Variants in SDK2 observed in about 807,000 individuals in gnomAD.
The protein encoded by SDK2 is protein sidekick-2.
Under a neutral mutation model 253.9 loss-of-function variants are expected in SDK2, and 105 were observed. That is an observed-to-expected ratio of 0.41 (90% CI 0.35 to 0.49). SDK2 has a LOEUF of 0.49. Ranked by LOEUF, SDK2 falls within the 20% of genes least tolerant of loss-of-function variation. The probability of loss-of-function intolerance (pLI) is 0.06; values close to 1 mark genes in which losing one functional copy is unlikely to be tolerated. For missense variants in SDK2, 2,608 were observed against 3,003.0 expected, an observed-to-expected ratio of 0.87 and a Z score of 3.07; for synonymous variants, 1,249 against 1,234.9, an observed-to-expected ratio of 1.01 and a Z score of -0.24.
In SDK2 at chr17:73,365,373, G is replaced by C; in HGVS notation, c.5190C>G (p.Val1730=). 6.2e-7 allele frequency: 1 copy of C among 1,611,042 alleles called. No homozygotes were observed. Among genetic ancestry groups the C allele is most frequent in the African/African-American group, 1.3e-5 (1 of 74,918 alleles). Residue 1730 remains valine (V), a synonymous_variant, in exon 38 of 45, where the codon GTC becomes GTG. Transcript: ENST00000392650. ...AGGTTGTGGTCAGCTCACTGAACTT[G>C]ACCGAGCTGGGAGCGCTGGGGGCTG... is the stretch of plus-strand genomic sequence containing the variant. ...QQAAPSAPSS[V]KFSELTTTSV...
intron 1 of SDK2, among the ~76,000 whole-genome samples, chr17:73,588,622 A>AGCTGGC (rs1442594440): frequency 1.4e-5 from 2 of 144,030 alleles, no homozygotes; most frequent in Non-Finnish European, 3.0e-5. Context: ...TGGTCGTCAC[A>AGCTGGC]ACTGGCATCT....
intron 1 of SDK2, chr17:73,516,882 G>A (rs781231154): frequency 1.3e-5 from 2 of 152,212 alleles, no homozygotes; most frequent in Non-Finnish European, 2.9e-5. Context: ...TGATTAGGGG[G>A]GCACTGGCCA....
intron 1 of SDK2, among the ~76,000 whole-genome samples, chr17:73,585,858 A>G (rs1406123697): frequency 2.0e-5 from 3 of 152,206 alleles, no homozygotes; most frequent in African/African-American, 7.2e-5. Flanking sequence ...TCTGAGCTCC[A>G]ATTTCCACGT....
At chr17:73,457,007 C>A (rs1748153782) in intron 3 of SDK2, among the ~76,000 whole-genome samples, 1 of 152,226 alleles carries the variant, frequency 6.6e-6, no homozygotes, top group Non-Finnish European at 1.5e-5. Flanking sequence ...CCCCCCAAGA[C>A]CTGCTGGATC....
intron 44 of SDK2, among the ~76,000 whole-genome samples, chr17:73,341,892 G>A (rs1194512617): frequency 2.0e-5 from 3 of 152,130 alleles, no homozygotes; most frequent in Admixed American, 6.5e-5. Flanking sequence ...AGCTCCTATT[G>A]CTACCTGAGC....
chr17:73,565,273 T>C (rs984211473), intron 1 of SDK2, among the ~76,000 whole-genome samples: 2 of 152,168 alleles, frequency 1.3e-5, no homozygotes, highest in Admixed American at 6.5e-5. Flanking sequence ...CTCTGAAATA[T>C]GTACACATGG....
chr17:73,453,267 C>T (rs548731515), intron 4 of SDK2, among the ~76,000 whole-genome samples: 1 of 152,062 alleles, frequency 6.6e-6, no homozygotes, highest in East Asian at 1.9e-4. Context: ...TGAGAGAGCC[C>T]AGCCAAGACC....
intron 3 of SDK2, among the ~76,000 whole-genome samples, chr17:73,462,073 G>C (rs942186023): frequency 6.6e-6 from 1 of 152,086 alleles, no homozygotes; most frequent in Non-Finnish European, 1.5e-5. Context: ...ATATTTACAT[G>C]CACGTGTGCA....
chr17:73,432,816 G>A (rs2063337747), intron 10 of SDK2, among the ~76,000 whole-genome samples: 1 of 149,652 alleles, frequency 6.7e-6, no homozygotes, highest in Non-Finnish European at 1.5e-5. Flanking sequence ...GTGTGCACAT[G>A]TGTATGTACG....
intron 4 of SDK2, among the ~76,000 whole-genome samples, chr17:73,454,312 G>A (rs1379736620): frequency 6.6e-6 from 1 of 152,194 alleles, no homozygotes; most frequent in African/African-American, 2.4e-5. Context: ...TCTTTTCATC[G>A]AGTCTGTGAA....
intron 1 of SDK2, among the ~76,000 whole-genome samples, chr17:73,574,854 G>A (rs2045437014): frequency 6.6e-6 from 1 of 152,262 alleles, no homozygotes; most frequent in East Asian, 1.9e-4. Context: ...TGAGTCTCTG[G>A]TGGAAACCCA....
rs2062808449 is a variant in SDK2, at chr17:73,379,063, C to A, written c.4980+114G>T. ...AGAGCCTGAAGGGCCGAGGAGCTGGCTGGATGAATGGAGGGCCTGGGGACC... is the reference window on the plus strand; with the variant it reads ...AGAGCCTGAAGGGCCGAGGAGCTGGATGGATGAATGGAGGGCCTGGGGACC... On this transcript the variant is annotated intron_variant, in intron 36 of 44. Transcript: ENST00000392650. The surrounding 1 kb of genome is among the most constrained non-coding windows in gnomAD (Gnocchi z 4.5). 10 of 750,752 alleles carry A rather than the reference C, an allele frequency of 1.3e-5. No homozygotes were observed. In the South Asian group the frequency reaches 1.6e-4, roughly 12 times the overall value. 46.5% of individuals were successfully genotyped at this position (750,752 alleles called of 1,614,324 possible). A position where few individuals can be genotyped will look rare whatever the true frequency, so the allele number is the denominator to read the frequency against.
At chr17:73,559,788 C>T (rs999729645) in intron 1 of SDK2, among the ~76,000 whole-genome samples, 3 of 152,098 alleles carry the variant, frequency 2.0e-5, no homozygotes, top group African/African-American at 7.2e-5. Context: ...CCTGTGCTCC[C>T]GAATCATAAT....
chr17:73,525,803 G>A (rs756944085), intron 1 of SDK2, among the ~76,000 whole-genome samples: 3 of 151,420 alleles, frequency 2.0e-5, no homozygotes, highest in Admixed American at 6.6e-5. Context: ...CCCATCCCAT[G>A]CAAATGCCCT....
At chr17:73,518,842 AG>A (rs1337008911) in intron 1 of SDK2, 1 of 152,208 alleles carries the variant, frequency 6.6e-6, no homozygotes, top group Non-Finnish European at 1.5e-5. Flanking sequence ...AAGGCAGGAC[AG>A]CATGCTTGGA....
chr17:73,379,643 A>G lies in SDK2; in HGVS notation c.4763-94T>C, dbSNP rs1354967108. The G allele has an allele frequency of 8.8e-5, 64 of 731,384 alleles. No homozygotes were observed. Among genetic ancestry groups the G allele is most frequent in the Non-Finnish European group, 5.1e-5 (22 of 434,554 alleles). The allele number at this position is 731,384 out of a possible 1,614,324, so 45.3% of individuals were successfully genotyped here. A position where few individuals can be genotyped will look rare whatever the true frequency, so the allele number is the denominator to read the frequency against. On this transcript the variant is annotated intron_variant, in intron 34 of 44. Coordinates refer to ENST00000392650, the MANE Select transcript of SDK2 (RefSeq NM_001144952.2). This position sits in a 1 kb window ranked among gnomAD's most constrained non-coding sequence, Gnocchi z 4.5. ...GAGGGTGGAGGCTGCAGGGGGAGGA[A>G]TGAGGCACCCCCGCCATTCTAGCCC... is the stretch of plus-strand genomic sequence containing the variant.
intron 26 of SDK2, 109 bp downstream of exon 26, chr17:73,394,100 T>C (rs1250964688): frequency 4.9e-6 from 3 of 613,648 alleles, no homozygotes; most frequent in Non-Finnish European, 7.8e-6. Context: ...ATCCCCTGTA[T>C]CCACTCTAGG....
intron 1 of SDK2, among the ~76,000 whole-genome samples, chr17:73,524,792 T>TCTCCAAAG (rs1231260730): frequency 6.6e-6 from 1 of 152,202 alleles, no homozygotes. Flanking sequence ...TGCCAAGCTG[T>TCTCCAAAG]CTATCTCCAA....
intron 41 of SDK2, among the ~76,000 whole-genome samples, chr17:73,351,405 C>T (rs952245547): frequency 3.3e-5 from 5 of 152,170 alleles, no homozygotes; most frequent in Middle Eastern, 3.2e-3. Context: ...CCACCGTTCC[C>T]GGCCCCTTTT....
Sources: gnomAD v4.1 joint callset for allele counts (sites outside exome capture counted in the v4.1 genomes callset) on GRCh38, gnomAD v4.1.1 for gene constraint, Gnocchi (gnomAD v3.1) non-coding constraint, MANE v1.5 for transcripts, NCBI Gene and HGNC (gene_info 2026-07-23, HGNC 2026-07-21) for gene names.